Variants in TACC2 observed in about 807,000 individuals in gnomAD.
TACC2 encodes the protein transforming acidic coiled-coil-containing protein 2.
Under a neutral mutation model 227.3 loss-of-function variants are expected in TACC2, and 137 were observed. The ratio of observed to expected loss-of-function variants is 0.60; its 90% confidence interval spans 0.52 to 0.69. The LOEUF is 0.69. Ranked by LOEUF, TACC2 falls within the 30% of genes least tolerant of loss-of-function variation. The probability of loss-of-function intolerance (pLI) is 0.00; values close to 1 mark genes in which losing one functional copy is unlikely to be tolerated. For synonymous variants in TACC2, 1,523 were observed against 1,487.5 expected, an observed-to-expected ratio of 1.02 and a Z score of -0.55; for missense variants, 3,470 against 3,694.4, an observed-to-expected ratio of 0.94 and a Z score of 1.57.
chr10:122,126,966 T>C (rs4314996), intron 5 of TACC2: 118,644 of 152,228 alleles, frequency 0.78, 47,631 homozygotes, highest in Non-Finnish European at 0.88. Flanking sequence ...GCCATAAGGG[T>C]GGAGCCTTTG....
At chr10:122,071,566 T>G (rs2078054497) in intron 3 of TACC2, among the ~76,000 whole-genome samples, 1 of 151,940 alleles carries the variant, frequency 6.6e-6, no homozygotes, top group Non-Finnish European at 1.5e-5. Context: ...GCACCTGACC[T>G]TGAAGTCATA....
At position 122,211,496 on chromosome 10, in the gene TACC2, G is replaced by T; in HGVS notation, c.7071G>T (p.Gln2357His). ...CTTTTTCTTCCACCTCAAAAATGCA[G>T]GAGTCTCCCAAACTGCCCCAACAAT... ...FNPFSSTSKM[Q>H]ESPKLPQQSY... Residue 2357 changes from glutamine (Q) to histidine (H), a missense_variant, in exon 9 of 23, where the codon CAG (glutamine) becomes CAT (histidine). Gln to His is a conservative substitution (Grantham distance 24). Transcript: ENST00000369005. The T allele has an allele frequency of 7.4e-6, 12 of 1,613,800 alleles. No individual in the cohort carries two copies. The highest frequency in any genetic ancestry group is 1.0e-5 in the Non-Finnish European group (12 of 1,179,940).
rs577536018 is a variant in TACC2 at position 122,119,969 on chromosome 10, C to T, written c.5574-12640C>T. ...GAAAAAAAGGAAGAACATTGGCTGCCGGCTCCCTGCCTTGTCCTCCCGGAG... is the reference window on the plus strand; with the variant it reads ...GAAAAAAAGGAAGAACATTGGCTGCTGGCTCCCTGCCTTGTCCTCCCGGAG... On this transcript the variant is annotated intron_variant, in intron 5 of 22. Transcript: ENST00000369005. Among the ~76,000 whole-genome samples the T allele has an allele frequency of 3.6e-4, 54 of 152,098 alleles. 2 individuals carry two copies. The East Asian group carries it at 8.5e-3, about 24-fold the overall frequency.
In TACC2 at chr10:122,226,495, G is replaced by C. The variant is rs370269141; in HGVS notation, c.7724+14G>C. 8.1e-5 allele frequency: 128 copies of C among 1,574,044 alleles called. No individual in the cohort carries two copies. The highest frequency in any genetic ancestry group is 1.1e-4 in the Non-Finnish European group (127 of 1,145,876). ...GCCGTGTTCAGGGTATGACTTCCATGATGAGAGAGTTACACATCATGCTGG... is the reference window on the plus strand; with the variant it reads ...GCCGTGTTCAGGGTATGACTTCCATCATGAGAGAGTTACACATCATGCTGG... On this transcript the variant is annotated intron_variant, in intron 13 of 22. Transcript: ENST00000369005.
chr10:122,080,529 G>A (rs1016761079), intron 3 of TACC2, among the ~76,000 whole-genome samples: 4 of 151,852 alleles, frequency 2.6e-5, no homozygotes, highest in East Asian at 1.9e-4. Context: ...CCATGCACCC[G>A]GCCTCTTCCT....
intron 3 of TACC2, among the ~76,000 whole-genome samples, chr10:122,075,470 G>A (rs1486976281): frequency 6.6e-6 from 1 of 152,158 alleles, no homozygotes; most frequent in Non-Finnish European, 1.5e-5. Context: ...GGACTCACGG[G>A]GGCTGGCTCT....
At chr10:122,071,081 C>G (rs2078004388) in intron 3 of TACC2, among the ~76,000 whole-genome samples, 1 of 152,172 alleles carries the variant, frequency 6.6e-6, no homozygotes, top group African/African-American at 2.4e-5. Flanking sequence ...AAGGGCTTAA[C>G]TTAAAATTAA....
At chr10:122,139,218 G>A (rs2090161695) in intron 6 of TACC2, among the ~76,000 whole-genome samples, 1 of 152,240 alleles carries the variant, frequency 6.6e-6, no homozygotes, top group Non-Finnish European at 1.5e-5. Flanking sequence ...CTCTGTGAAG[G>A]TAAAGTGGAT....
chr10:122,100,820 G>T (rs2082054444), intron 5 of TACC2, among the ~76,000 whole-genome samples: 1 of 152,196 alleles, frequency 6.6e-6, no homozygotes, highest in African/African-American at 2.4e-5. Flanking sequence ...GACATAAGAG[G>T]CAGGAACTCC....
intron 12 of TACC2, 96 bp from the exon 13 acceptor site, chr10:122,226,270 T>A (rs1368547753): frequency 1.3e-6 from 1 of 795,520 alleles, no homozygotes; most frequent in African/African-American, 1.7e-5. Flanking sequence ...CCCTGATGGG[T>A]TATTTGTTCT....
At chr10:122,223,382 TA>T (rs2095560467) in intron 11 of TACC2, among the ~76,000 whole-genome samples, 1 of 152,154 alleles carries the variant, frequency 6.6e-6, no homozygotes. Flanking sequence ...CTTTACAAAT[TA>T]ATGCTTCTGT....
At chr10:122,179,985 G>A (rs1025122654) in intron 7 of TACC2, among the ~76,000 whole-genome samples, 24 of 151,974 alleles carry the variant, frequency 1.6e-4, no homozygotes, top group African/African-American at 4.6e-4. Flanking sequence ...TCAGGAGGCT[G>A]AGGTTCAGAG....
intron 3 of TACC2, chr10:122,051,329 G>C (rs2075659762): frequency 1.3e-5 from 2 of 152,342 alleles, no homozygotes; most frequent in African/African-American, 4.8e-5. Context: ...TGGATTATAG[G>C]TGTGAGCCAC....
chr10:122,202,625 A>G (rs904679564), intron 8 of TACC2, among the ~76,000 whole-genome samples: 82 of 150,006 alleles, frequency 5.5e-4, no homozygotes, highest in Non-Finnish European at 1.1e-3. Context: ...AGAGATGGGA[A>G]GGTAATTTGT....
rs894512001 is a variant in TACC2, at chr10:122,210,113, A to G, written c.5972-284A>G. ...GAACCATGTCTGGTCCTGATTAGGC[A>G]CTTGGTGAATGTTTTTGAATGAATA... On this transcript the variant is annotated intron_variant, in intron 8 of 22. Transcript: ENST00000369005. This position sits in a 1 kb window ranked among gnomAD's most constrained non-coding sequence, Gnocchi z 4.6. The G allele has an allele frequency of 2.1e-6, 1 of 474,178 alleles. No individual in the cohort carries two copies. Among genetic ancestry groups the G allele is most frequent in the African/African-American group, 1.9e-5 (1 of 51,362 alleles). The allele number at this position is 474,178 out of a possible 1,614,324, so 29.4% of individuals were successfully genotyped here. A position where few individuals can be genotyped will look rare whatever the true frequency, so the allele number is the denominator to read the frequency against.
chr10:122,142,857 G>A (rs183557654), intron 6 of TACC2, among the ~76,000 whole-genome samples: 35 of 152,348 alleles, frequency 2.3e-4, no homozygotes, highest in African/African-American at 7.7e-4. Flanking sequence ...TGTGGAGGCC[G>A]TTGCTAGCCT....
At chr10:122,066,227 C>T (rs1187213278) in intron 3 of TACC2, among the ~76,000 whole-genome samples, 2 of 151,828 alleles carry the variant, frequency 1.3e-5, no homozygotes, top group Non-Finnish European at 2.9e-5. Flanking sequence ...CCTGCCTCAG[C>T]CCCCCAAGTA....
intron 1 of TACC2, among the ~76,000 whole-genome samples, chr10:122,020,522 G>A (rs1957202219): frequency 6.6e-6 from 1 of 152,190 alleles, no homozygotes; most frequent in Non-Finnish European, 1.5e-5. Flanking sequence ...ATAGTGCAGG[G>A]TGGCTACGCA....
At chr10:122,065,636 GTGT>G (rs2077295437) in intron 3 of TACC2, among the ~76,000 whole-genome samples, 1 of 152,140 alleles carries the variant, frequency 6.6e-6, no homozygotes, top group African/African-American at 2.4e-5. Context: ...GTTGGTCATA[GTGT>G]TGTTCACGTC....
Sources: allele counts gnomAD v4.1 joint callset (sites outside exome capture counted in the v4.1 genomes callset), GRCh38; gene constraint gnomAD v4.1.1; non-coding constraint Gnocchi (gnomAD v3.1); transcripts MANE v1.5; gene names NCBI Gene and HGNC (gene_info 2026-07-23, HGNC 2026-07-21).